The following ACBD6 variants were observed in gnomAD, a reference collection of about 807,000 sequenced individuals.
ACBD6 encodes the protein acyl-CoA binding domain containing 6, also known as acyl-CoA-binding domain-containing protein 6.
In ACBD6, 28 loss-of-function variants were observed where a neutral mutation model predicts 37.2. The observed-to-expected ratio is 0.75, with a 90% CI of 0.56 to 1.03. ACBD6 has a LOEUF of 1.03. Ranked by LOEUF, ACBD6 falls within the 50% of genes least tolerant of loss-of-function variation. The probability of loss-of-function intolerance (pLI) is 0.00; values close to 1 mark genes in which losing one functional copy is unlikely to be tolerated. For missense variants in ACBD6, 340 were observed against 337.4 expected (o/e 1.01, Z -0.06); for synonymous variants, 113 against 126.8 (o/e 0.89, Z 0.73).
intron 6 of ACBD6, among the ~76,000 whole-genome samples, chr1:180,392,856 A>G (rs1654127116): frequency 6.6e-6 from 1 of 151,910 alleles, no homozygotes; most frequent in South Asian, 2.1e-4. Flanking sequence ...AGCTTATACA[A>G]TTTATATGTC....
At chr1:180,419,810 G>C (rs1375031510) in intron 4 of ACBD6, among the ~76,000 whole-genome samples, 1 of 152,220 alleles carries the variant, frequency 6.6e-6, no homozygotes, top group African/African-American at 2.4e-5. Context: ...GTCTTCACAG[G>C]CTGAAGAGGG....
chr1:180,308,405 A>T (rs527709987), intron 7 of ACBD6, among the ~76,000 whole-genome samples: 13 of 152,216 alleles, frequency 8.5e-5, no homozygotes, highest in Non-Finnish European at 1.6e-4. Context: ...TTTGTACTGT[A>T]TAGGTTGAGG....
At chr1:180,449,371 T>C (rs1051976904) in intron 3 of ACBD6, among the ~76,000 whole-genome samples, 5 of 151,772 alleles carry the variant, frequency 3.3e-5, no homozygotes, top group African/African-American at 7.3e-5. Flanking sequence ...CCCATATGGA[T>C]ACAAAACGGA....
chr1:180,402,751 C>T (rs867674122), intron 5 of ACBD6, among the ~76,000 whole-genome samples: 38 of 150,930 alleles, frequency 2.5e-4, no homozygotes, highest in Middle Eastern at 3.4e-3. Flanking sequence ...GAGCCGTGAT[C>T]GACGTCACTG....
chr1:180,492,429 A>C (rs933655827), intron 2 of ACBD6, 64 bp from the exon 3 acceptor site: 3 of 1,285,406 alleles, frequency 2.3e-6, no homozygotes, highest in Non-Finnish European at 3.4e-6. Flanking sequence ...CATTTTTCTT[A>C]TTATTAAAAA....
At chr1:180,281,748 T>C (rs901055475) in intron 8 of ACBD6, among the ~76,000 whole-genome samples, 6 of 152,000 alleles carry the variant, frequency 3.9e-5, no homozygotes, top group African/African-American at 7.3e-5. Context: ...TGGAGAAGTA[T>C]TGAGTTAGGA....
chr1:180,323,336 T>C (rs940237602), intron 6 of ACBD6, among the ~76,000 whole-genome samples: 1 of 152,112 alleles, frequency 6.6e-6, no homozygotes, highest in Non-Finnish European at 1.5e-5. Context: ...ATATGGTCTA[T>C]CCTTGAGAAT....
chr1:180,321,238 T>C (rs1461442578), intron 6 of ACBD6, among the ~76,000 whole-genome samples: 2 of 152,174 alleles, frequency 1.3e-5, no homozygotes, highest in African/African-American at 4.8e-5. Context: ...CCTTCCAGTT[T>C]TGTTCTTTTT....
chr1:180,339,466 G>A (rs1651887346), intron 6 of ACBD6, among the ~76,000 whole-genome samples: 1 of 152,178 alleles, frequency 6.6e-6, no homozygotes, highest in Admixed American at 6.5e-5. Context: ...TCACTCATAG[G>A]TGGGAATTGA....
At chr1:180,372,604 C>T (rs1314829847) in intron 6 of ACBD6, among the ~76,000 whole-genome samples, 2 of 152,108 alleles carry the variant, frequency 1.3e-5, no homozygotes, top group South Asian at 2.1e-4. Context: ...TAATCAACGT[C>T]GCAAATCCTT....
intron 6 of ACBD6, among the ~76,000 whole-genome samples, chr1:180,370,029 T>G (rs1357949699): frequency 6.6e-6 from 1 of 152,224 alleles, no homozygotes; most frequent in Non-Finnish European, 1.5e-5. Flanking sequence ...ATTTCTACTC[T>G]AAGTATTCTT....
chr1:180,397,152 C>T (rs1243427674), intron 6 of ACBD6, among the ~76,000 whole-genome samples: 1 of 152,092 alleles, frequency 6.6e-6, no homozygotes. Context: ...ATAGATACAC[C>T]TTCAAAACTT....
chr1:180,348,553 G>A (rs907348440), intron 6 of ACBD6, among the ~76,000 whole-genome samples: 1 of 152,200 alleles, frequency 6.6e-6, no homozygotes, highest in African/African-American at 2.4e-5. Flanking sequence ...AAGTGTTCAA[G>A]TAAGTTAAAA....
intron 3 of ACBD6, among the ~76,000 whole-genome samples, chr1:180,476,550 G>A (rs1236141573): frequency 1.3e-5 from 2 of 152,178 alleles, no homozygotes; most frequent in African/African-American, 2.4e-5. Context: ...ACTCAGCCGG[G>A]CACAGTGGCT....
chr1:180,431,120 A>G (rs1648794519), intron 3 of ACBD6, among the ~76,000 whole-genome samples: 1 of 151,908 alleles, frequency 6.6e-6, no homozygotes, highest in South Asian at 2.1e-4. Context: ...CAATCCCCAT[A>G]CACATTTTTT....
intron 6 of ACBD6, among the ~76,000 whole-genome samples, chr1:180,357,569 C>A (rs575228398): frequency 6.6e-6 from 1 of 152,216 alleles, no homozygotes; most frequent in Admixed American, 6.5e-5. Flanking sequence ...GAAAGGACAG[C>A]CTCAATAATC....
chr1:180,499,997 CAG>C (rs1330581881), intron 1 of ACBD6, among the ~76,000 whole-genome samples: 1 of 151,942 alleles, frequency 6.6e-6, no homozygotes, highest in East Asian at 1.9e-4. Flanking sequence ...TCTGTAATAA[CAG>C]TACTTCAGGA....
intron 5 of ACBD6, among the ~76,000 whole-genome samples, chr1:180,403,126 GA>G (rs1647450909): frequency 6.6e-6 from 1 of 152,110 alleles, no homozygotes; most frequent in African/African-American, 2.4e-5. Context: ...TAAAGTTCGA[GA>G]ACAAGCAGAA....
chr1:180,318,995 T>C (rs954564692), intron 6 of ACBD6, among the ~76,000 whole-genome samples: 1 of 152,224 alleles, frequency 6.6e-6, no homozygotes, highest in Admixed American at 6.5e-5. Context: ...TTATATTTTA[T>C]TCTGCATTTC....
Sources: gnomAD v4.1 joint callset for allele counts (sites outside exome capture counted in the v4.1 genomes callset) on GRCh38, gnomAD v4.1.1 for gene constraint, MANE v1.5 for transcripts, NCBI Gene and HGNC (gene_info 2026-07-23, HGNC 2026-07-21) for gene names.